The following NOS1AP variants were observed in gnomAD, a reference collection of about 807,000 sequenced individuals.
NOS1AP encodes carboxyl-terminal PDZ ligand of neuronal nitric oxide synthase protein.
Under a neutral mutation model 56.2 loss-of-function variants are expected in NOS1AP, and 21 were observed. That is an observed-to-expected ratio of 0.37 (90% confidence interval 0.26 to 0.54). The LOEUF is 0.54. Among genes scored for constraint, NOS1AP ranks in the 20% least tolerant of loss-of-function variants. NOS1AP has a pLI of 0.84. For synonymous variants in NOS1AP, 270 were observed against 274.6 expected (o/e 0.98, Z 0.17); for missense variants, 522 against 657.8 (o/e 0.79, Z 2.26).
chr1:162,071,218 A>T (rs1337895668), intron 1 of NOS1AP, among the ~76,000 whole-genome samples: 4 of 152,132 alleles, frequency 2.6e-5, no homozygotes, highest in Non-Finnish European at 1.5e-5. Flanking sequence ...CGGCACCTAC[A>T]GTGTGCCTGT....
At chr1:162,117,938 T>G (rs1648037286) in intron 1 of NOS1AP, among the ~76,000 whole-genome samples, 2 of 152,218 alleles carry the variant, frequency 1.3e-5, no homozygotes, top group African/African-American at 4.8e-5. Context: ...TCCACATATC[T>G]GTCTTTTGCT....
chr1:162,330,800 A>G (rs1312078189), intron 4 of NOS1AP, among the ~76,000 whole-genome samples: 12 of 152,236 alleles, frequency 7.9e-5, no homozygotes, highest in Admixed American at 4.6e-4. Context: ...GTGAAAAATG[A>G]GAACTCTAGA....
intron 1 of NOS1AP, among the ~76,000 whole-genome samples, chr1:162,126,447 A>G (rs1035180279): frequency 6.6e-6 from 1 of 152,164 alleles, no homozygotes; most frequent in Non-Finnish European, 1.5e-5. Context: ...CTAATGCATC[A>G]TATCAGGAGA....
At position 162,294,755 on chromosome 1, in the gene NOS1AP, G is replaced by A. The variant is rs1298465764; in HGVS notation, c.271-5878G>A. ...TGCCATAGGTGTCCTTAGCAGACGCGGAGGGCACAGGAGTAAGAGAAAGGA... is the reference window on the plus strand; with the variant it reads ...TGCCATAGGTGTCCTTAGCAGACGCAGAGGGCACAGGAGTAAGAGAAAGGA... On this transcript the variant is annotated intron_variant, in intron 3 of 9. Transcript: ENST00000361897. 4.6e-5 allele frequency among the ~76,000 whole-genome samples: 7 copies of A among 152,138 alleles called. No individual in the cohort carries two copies. In the South Asian group the frequency reaches 8.3e-4, roughly 18 times the overall value.
At chr1:162,213,201 A>C (rs576650782) in intron 2 of NOS1AP, among the ~76,000 whole-genome samples, 9 of 151,998 alleles carry the variant, frequency 5.9e-5, no homozygotes, top group African/African-American at 1.9e-4. Context: ...TATGAGCATG[A>C]CCCCTTTTGC....
intron 4 of NOS1AP, among the ~76,000 whole-genome samples, chr1:162,306,564 C>T (rs1401513212): frequency 4.6e-5 from 7 of 152,156 alleles, no homozygotes; most frequent in Non-Finnish European, 8.8e-5. Context: ...TGAGTTGACC[C>T]GGTATAAAAC....
chr1:162,287,375 A>G lies in NOS1AP; in HGVS notation c.209A>G (p.Lys70Arg). Residue 70 changes from lysine to arginine, a missense_variant, in exon 3 of 10, where the codon AAG (lysine) becomes AGG (arginine). Physicochemically the swap from Lys to Arg is conservative, Grantham distance 26. Transcript: ENST00000361897. ...YEFKAKNIKK[K>R]KVSIMVSVDG... ...TTTAAAGCCAAGAACATCAAGAAGA[A>G]GAAAGTGAGCATTATGGTTTCAGTG... The G allele has an allele frequency of 6.2e-7, 1 of 1,613,570 alleles. No homozygotes were observed. Among genetic ancestry groups the G allele is most frequent in the Non-Finnish European group, 8.5e-7 (1 of 1,179,498 alleles).
intron 2 of NOS1AP, among the ~76,000 whole-genome samples, chr1:162,168,077 G>A (rs1486344014): frequency 6.6e-6 from 1 of 151,818 alleles, no homozygotes; most frequent in East Asian, 1.9e-4. Context: ...TGTTCTAAGC[G>A]TTTTGCCTGT....
chr1:162,337,739 T>A (rs1188482500), intron 5 of NOS1AP, among the ~76,000 whole-genome samples: 1 of 152,228 alleles, frequency 6.6e-6, no homozygotes, highest in Non-Finnish European at 1.5e-5. Flanking sequence ...TAAGATGCAG[T>A]ATGTCCTGTC....
intron 3 of NOS1AP, among the ~76,000 whole-genome samples, chr1:162,292,190 G>A (rs1231526765): frequency 6.6e-6 from 1 of 152,190 alleles, no homozygotes; most frequent in Admixed American, 6.5e-5. Context: ...CTTTGTCACT[G>A]TATGCACACA....
intron 4 of NOS1AP, among the ~76,000 whole-genome samples, chr1:162,324,958 G>A (rs2101785731): frequency 6.6e-6 from 1 of 152,310 alleles, no homozygotes; most frequent in African/African-American, 2.4e-5. Context: ...CGACTTGACA[G>A]TGTGGCCCCA....
At chr1:162,122,569 A>G (rs1264900323) in intron 1 of NOS1AP, among the ~76,000 whole-genome samples, 1 of 149,782 alleles carries the variant, frequency 6.7e-6, no homozygotes, top group Non-Finnish European at 1.5e-5. Context: ...GTGTAGTGGC[A>G]TGATCTCGGC....
chr1:162,094,117 A>C (rs1018281499), intron 1 of NOS1AP, among the ~76,000 whole-genome samples: 1 of 152,160 alleles, frequency 6.6e-6, no homozygotes, highest in Non-Finnish European at 1.5e-5. Context: ...GACTCGCACC[A>C]ATGGCAGATG....
At chr1:162,180,981 A>G (rs6664602) in intron 2 of NOS1AP, among the ~76,000 whole-genome samples, 151,704 of 152,368 alleles carry the variant, frequency 1, 75,525 homozygotes, top group Middle Eastern at 1. Context: ...ATCTATTCTC[A>G]GCTATCCTCA....
chr1:162,075,309 G>A (rs1691744041), intron 1 of NOS1AP, among the ~76,000 whole-genome samples: 1 of 152,206 alleles, frequency 6.6e-6, no homozygotes, highest in African/African-American at 2.4e-5. Flanking sequence ...ATTGCTGAGT[G>A]ATTTTGTGGC....
chr1:162,357,153 T>C lies in NOS1AP; in HGVS notation c.939+17T>C. On this transcript the variant is annotated intron_variant, in intron 8 of 9. Transcript: ENST00000361897. ...GTGGCCCAGGTTCTCCTCAGCCTCC[T>C]CCCTACTTCGCAGGCTCCACTCTCA... 4 of 1,601,280 alleles carry C rather than the reference T, an allele frequency of 2.5e-6. No individual in the cohort carries two copies. Among genetic ancestry groups the C allele is most frequent in the Non-Finnish European group, 3.4e-6 (4 of 1,179,090 alleles).
chr1:162,170,880 A>G (rs1372651611), intron 2 of NOS1AP, among the ~76,000 whole-genome samples: 1 of 152,016 alleles, frequency 6.6e-6, no homozygotes, highest in Admixed American at 6.6e-5. Context: ...CGGAGGTTGC[A>G]GTGAGCTGAG....
rs555718702 is a variant in NOS1AP, at chr1:162,334,698, T to G, written c.453+1573T>G. Among the ~76,000 whole-genome samples the G allele has an allele frequency of 2.0e-5, 3 of 152,336 alleles. No individual in the cohort carries two copies. The South Asian group carries it at 6.2e-4, about 32-fold the overall frequency. ...GACTGGACCATGTGGACCTTGGAAT[T>G]TATTAGAGTTACAAATAACGCATTA... On this transcript the variant is annotated intron_variant, in intron 5 of 9. Coordinates refer to ENST00000361897, the MANE Select transcript of NOS1AP (RefSeq NM_014697.3).
chr1:162,130,767 G>T (rs1648714325), intron 1 of NOS1AP, among the ~76,000 whole-genome samples: 1 of 152,200 alleles, frequency 6.6e-6, no homozygotes, highest in Non-Finnish European at 1.5e-5. Context: ...ACTGCTTAGT[G>T]TGTACCCTAA....
Sources: gnomAD v4.1 joint callset for allele counts (sites outside exome capture counted in the v4.1 genomes callset) on GRCh38, gnomAD v4.1.1 for gene constraint, MANE v1.5 for transcripts, NCBI Gene and HGNC (gene_info 2026-07-23, HGNC 2026-07-21) for gene names.